Variants in CSNK1D observed in about 807,000 individuals in gnomAD.
CSNK1D encodes casein kinase I isoform delta.
A neutral mutation model predicts 46.6 loss-of-function variants in CSNK1D; 16 were observed. That is an observed-to-expected ratio of 0.34 (90% confidence interval 0.23 to 0.52). The LOEUF is 0.52. Among genes scored for constraint, CSNK1D ranks in the 20% least tolerant of loss-of-function variants. The probability of loss-of-function intolerance (pLI) is 0.95; values close to 1 mark genes in which losing one functional copy is unlikely to be tolerated. For missense variants in CSNK1D, 398 were observed against 578.4 expected, an observed-to-expected ratio of 0.69 and a Z score of 3.20; for synonymous variants, 276 against 228.2, an observed-to-expected ratio of 1.21 and a Z score of -1.89.
intron 2 of CSNK1D, among the ~76,000 whole-genome samples, chr17:82,256,788 G>C (rs1022592458): frequency 6.6e-6 from 1 of 151,898 alleles, no homozygotes; most frequent in Non-Finnish European, 1.5e-5. Context: ...ATGTCTCTTC[G>C]GTATGTTTTC....
intron 1 of CSNK1D, among the ~76,000 whole-genome samples, chr17:82,266,243 G>A (rs1482885014): frequency 1.3e-5 from 2 of 152,200 alleles, no homozygotes; most frequent in Non-Finnish European, 2.9e-5. Flanking sequence ...GGAAGGGCTA[G>A]GTTTTTACCC....
chr17:82,240,320 CGAG>C (rs977699453), downstream of CSNK1D, among the ~76,000 whole-genome samples: 5 of 152,118 alleles, frequency 3.3e-5, no homozygotes, highest in Non-Finnish European at 5.9e-5. Flanking sequence ...GGGAGAAAGA[CGAG>C]GAGGCAGGGA....
Position 82,244,415 on chromosome 17 carries a change from T to TA in CSNK1D, c.*365_*366insT. On this transcript the variant is annotated 3_prime_UTR_variant, in exon 9 of 9. Transcript: ENST00000314028. The stretch of plus-strand genomic sequence containing the variant: ...TTTTTAGCAAAATGATACAAAACTG[T>TA]CTTAACCAAGTAGAAGATTGGTAGT... 1 of 1,222,662 alleles carries TA rather than the reference T, an allele frequency of 8.2e-7. No individual in the cohort carries two copies. Among genetic ancestry groups the TA allele is most frequent in the South Asian group, 1.9e-5 (1 of 53,940 alleles). The allele number at this position is 1,222,662 out of a possible 1,614,324, so 75.7% of individuals were successfully genotyped here. A position where few individuals can be genotyped will look rare whatever the true frequency, so the allele number is the denominator to read the frequency against.
At chr17:82,271,312 C>A (rs113130955) in intron 1 of CSNK1D, among the ~76,000 whole-genome samples, 1 of 152,254 alleles carries the variant, frequency 6.6e-6, no homozygotes, top group South Asian at 2.1e-4. Context: ...TCAAGCGACC[C>A]GCCCACCTCA....
Position 82,257,500 on chromosome 17 carries a change from G to T in CSNK1D, c.188-1923C>A, listed in dbSNP as rs113809261. On this transcript the variant is annotated intron_variant, in intron 2 of 8. Transcript: ENST00000314028. Reference sequence around the variant, plus strand: ...AAAAACAGTAATAGGGGCCTGATTCGCCCTCACACCTTAAGTAACTAAGGG... The same window carrying T: ...AAAAACAGTAATAGGGGCCTGATTCTCCCTCACACCTTAAGTAACTAAGGG... Among the ~76,000 whole-genome samples, 142 of 152,134 alleles carry T rather than the reference G, an allele frequency of 9.3e-4. 1 individual carries two copies. The highest frequency in any genetic ancestry group is 3.2e-3 in the African/African-American group (132 of 41,466).
Position 82,255,377 on chromosome 17 carries a change from C to T in CSNK1D, c.336+52G>A. On this transcript the variant is annotated intron_variant, in intron 3 of 8. Transcript: ENST00000314028. The surrounding 1 kb of genome is among the most constrained non-coding windows in gnomAD (Gnocchi z 5.9). ...TGGCAAGAACAGCACAAGCGAGTGG[C>T]TGATTCTATCAGACAGCAAGTGTGT... is the stretch of plus-strand genomic sequence containing the variant. 1 of 1,602,754 alleles carries T rather than the reference C, an allele frequency of 6.2e-7. No homozygotes were observed. The highest frequency in any genetic ancestry group is 8.5e-7 in the Non-Finnish European group (1 of 1,169,684).
downstream of CSNK1D, chr17:82,240,154 A>AG (rs1454092577): frequency 3.0e-6 from 3 of 1,006,506 alleles, no homozygotes; most frequent in East Asian, 9.8e-5. Context: ...GAGCTCTTGC[A>AG]GCCCAGGCTC....
At position 82,270,749 on chromosome 17, in the gene CSNK1D, G is replaced by GAA. The variant is rs548763934; in HGVS notation, c.76+2555_76+2556dup. On this transcript the variant is annotated intron_variant, in intron 1 of 8. Transcript: ENST00000314028. The stretch of plus-strand genomic sequence containing the variant: ...GTAGGCTAGGAGCCAATGCTGATGG[G>GAA]AAAAAAAAAAATCAGCTGTGCCTAA... 9.3e-3 allele frequency among the ~76,000 whole-genome samples: 1,384 copies of GAA among 148,312 alleles called. 21 individuals are homozygous for GAA. Among genetic ancestry groups the GAA allele is most frequent in the South Asian group, 0.028 (133 of 4,676 alleles).
intron 8 of CSNK1D, chr17:82,247,165 G>A (rs1012620148): frequency 3.2e-5 from 32 of 985,344 alleles, no homozygotes; most frequent in Non-Finnish European, 3.9e-5. Flanking sequence ...AGCTCTCTCT[G>A]GAGACTCCTC....
Position 82,244,360 on chromosome 17 carries a change from GATTTT to G in CSNK1D, c.*416_*420del, listed in dbSNP as rs1463778805. 3 of 1,106,196 alleles carry G rather than the reference GATTTT, an allele frequency of 2.7e-6. No homozygotes were observed. The African/African-American group carries it at 4.9e-5, about 18-fold the overall frequency. The allele number at this position is 1,106,196 out of a possible 1,614,324, so 68.5% of individuals were successfully genotyped here. A position where few individuals can be genotyped will look rare whatever the true frequency, so the allele number is the denominator to read the frequency against. On this transcript the variant is annotated 3_prime_UTR_variant, in exon 9 of 9. Coordinates refer to ENST00000314028, the MANE Select transcript of CSNK1D (RefSeq NM_001893.6). ...ACAGACAAGAAACAATAAAAAGACA[GATTTT>G]CTTTACACAGATTTAAGCCAATAAT...
rs11653735 is a variant in CSNK1D, at chr17:82,251,057, C to T, written c.885+322G>A. The T allele has an allele frequency of 0.14, 54,360 of 394,906 alleles. 4,624 individuals carry two copies. Among genetic ancestry groups the T allele is most frequent in the Non-Finnish European group, 0.18 (38,160 of 207,828 alleles). The allele number at this position is 394,906 out of a possible 1,614,324, so 24.5% of individuals were successfully genotyped here. Reference sequence around the variant, plus strand: ...GGCACAGCGAATGGGAATGCGCACCCCCAGCCCCCACCCTCTGCCCCCAGG... The same window carrying T: ...GGCACAGCGAATGGGAATGCGCACCTCCAGCCCCCACCCTCTGCCCCCAGG... On this transcript the variant is annotated intron_variant, in intron 6 of 8. Coordinates refer to ENST00000314028, the MANE Select transcript of CSNK1D (RefSeq NM_001893.6). The surrounding 1 kb of genome is among the most constrained non-coding windows in gnomAD (Gnocchi z 4.5).
chr17:82,269,818 G>A (rs904076896), intron 1 of CSNK1D, among the ~76,000 whole-genome samples: 1 of 152,248 alleles, frequency 6.6e-6, no homozygotes, highest in South Asian at 2.1e-4. Flanking sequence ...TAGCCCAGCT[G>A]AACAGTCCTC....
chr17:82,248,942 G>GC lies in CSNK1D; in HGVS notation c.1129dup (p.Ala377GlyfsTer64). On this transcript the variant is annotated frameshift_variant, in exon 8 of 9. Transcript: ENST00000314028. LOFTEE classifies it high-confidence loss of function. This position sits in a 1 kb window ranked among gnomAD's most constrained non-coding sequence, Gnocchi z 4.1. ...GTCGGACGAGGAGATGTTGACGGGG[G>GC]CCCCGCGGTGCAGCCGCATACTCAC... 1 of 1,602,096 alleles carries GC rather than the reference G, an allele frequency of 6.2e-7. No individual in the cohort carries two copies.
In CSNK1D at chr17:82,251,826, T is replaced by TC; in HGVS notation, c.737-300_737-299insG. The TC allele has an allele frequency of 3.3e-6, 1 of 304,052 alleles. No homozygotes were observed. The highest frequency in any genetic ancestry group is 6.1e-6 in the Non-Finnish European group (1 of 163,516). 18.8% of individuals were successfully genotyped at this position (304,052 alleles called of 1,614,324 possible). Reference sequence around the variant, plus strand: ...TAACACAGTGAAACCCCATCTCTACTGAAAAAAAAAAAAAAAAAGTTCTAG... The same window carrying TC: ...TAACACAGTGAAACCCCATCTCTACTCGAAAAAAAAAAAAAAAAAGTTCTAG... On this transcript the variant is annotated intron_variant, in intron 5 of 8. Transcript: ENST00000314028. The surrounding 1 kb of genome is among the most constrained non-coding windows in gnomAD (Gnocchi z 4.5).
intron 2 of CSNK1D, among the ~76,000 whole-genome samples, chr17:82,259,839 CTA>C (rs1419813146): frequency 6.6e-6 from 1 of 152,256 alleles, no homozygotes; most frequent in Non-Finnish European, 1.5e-5. Context: ...TCGCGTAACA[CTA>C]AAACTTTCAT....
At position 82,243,668 on chromosome 17, in the gene CSNK1D, G is replaced by C. The variant is rs923777954; in HGVS notation, c.*1113C>G. On this transcript the variant is annotated 3_prime_UTR_variant, in exon 9 of 9. Transcript: ENST00000314028. The stretch of plus-strand genomic sequence containing the variant: ...CAGGGTGGGTCCTTCTGGCCTGCCG[G>C]CTTTTCTGAGCTAGTCTTGGCACGT... 1 of 985,392 alleles carries C rather than the reference G, an allele frequency of 1.0e-6. No individual in the cohort carries two copies. The highest frequency in any genetic ancestry group is 1.7e-5 in the African/African-American group (1 of 57,244). The allele number at this position is 985,392 out of a possible 1,614,324, so 61.0% of individuals were successfully genotyped here.
intron 2 of CSNK1D, among the ~76,000 whole-genome samples, chr17:82,264,038 A>G (rs980904367): frequency 6.6e-6 from 1 of 152,224 alleles, no homozygotes; most frequent in African/African-American, 2.4e-5. Flanking sequence ...GCTGCCAAAG[A>G]TATTTTGTGT....
chr17:82,240,577 GC>G (rs1473818604), downstream of CSNK1D, among the ~76,000 whole-genome samples: 3 of 152,140 alleles, frequency 2.0e-5, no homozygotes, highest in African/African-American at 7.2e-5. Context: ...GGTATCTCGG[GC>G]CCTCACCCTC....
downstream of CSNK1D, among the ~76,000 whole-genome samples, chr17:82,241,198 G>C (rs888463737): frequency 6.6e-6 from 1 of 152,210 alleles, no homozygotes; most frequent in African/African-American, 2.4e-5. Flanking sequence ...GTGTCCGCCC[G>C]GCCTGGGCCT....
Sources: allele counts gnomAD v4.1 joint callset (sites outside exome capture counted in the v4.1 genomes callset), GRCh38; gene constraint gnomAD v4.1.1; non-coding constraint Gnocchi (gnomAD v3.1); transcripts MANE v1.5; gene names NCBI Gene and HGNC (gene_info 2026-07-23, HGNC 2026-07-21).